Variants in KCNQ3 observed in about 807,000 individuals in gnomAD.
KCNQ3 encodes the protein potassium voltage-gated channel subfamily KQT member 3.
A neutral mutation model predicts 92.5 loss-of-function variants in KCNQ3; 30 were observed. The observed-to-expected ratio is 0.32, with a 90% CI of 0.24 to 0.44. KCNQ3 has a LOEUF of 0.44. Among genes scored for constraint, KCNQ3 ranks in the 20% least tolerant of loss-of-function variants. The pLI is 1.00. For missense variants in KCNQ3, 913 were observed against 1,140.3 expected (o/e 0.80, Z 2.87); for synonymous variants, 450 against 468.8 (o/e 0.96, Z 0.52).
chr8:132,152,428 C>T (rs1179034121), intron 9 of KCNQ3, among the ~76,000 whole-genome samples: 1 of 152,182 alleles, frequency 6.6e-6, no homozygotes, highest in Non-Finnish European at 1.5e-5. Context: ...TGTCTGCCTG[C>T]TTGTCCTAGA....
chr8:132,285,453 G>A (rs141041418), intron 1 of KCNQ3, among the ~76,000 whole-genome samples: 2 of 152,226 alleles, frequency 1.3e-5, no homozygotes, highest in Non-Finnish European at 2.9e-5. Flanking sequence ...CTAGGGCTTT[G>A]TAGAAGGCCA....
Position 132,125,981 on chromosome 8 carries a change from G to C in KCNQ3, c.*3281C>G, listed in dbSNP as rs1824651465. 1 of 152,058 alleles carries C rather than the reference G, an allele frequency of 6.6e-6. No individual in the cohort carries two copies. The highest frequency in any genetic ancestry group is 1.5e-5 in the Non-Finnish European group (1 of 68,028). 9.4% of individuals were successfully genotyped at this position (152,058 alleles called of 1,614,324 possible). On this transcript the variant is annotated 3_prime_UTR_variant, in exon 15 of 15. Coordinates refer to ENST00000388996, the MANE Select transcript of KCNQ3 (RefSeq NM_004519.4). ...AACGATCTCAAGTACTTCTTTCTCA[G>C]CTCAATAGGATCATGTTTCGCTTAA... is the stretch of plus-strand genomic sequence containing the variant.
chr8:132,290,381 T>A (rs1279356250), intron 1 of KCNQ3, among the ~76,000 whole-genome samples: 1 of 152,190 alleles, frequency 6.6e-6, no homozygotes, highest in Non-Finnish European at 1.5e-5. Flanking sequence ...TTGTGCTTCA[T>A]CTCAAGAACA....
At chr8:132,447,678 G>T (rs765540933) in intron 1 of KCNQ3, among the ~76,000 whole-genome samples, 2 of 152,216 alleles carry the variant, frequency 1.3e-5, no homozygotes, top group Non-Finnish European at 2.9e-5. Context: ...ACGAGCGCAT[G>T]ATTTAGAGAT....
In KCNQ3 at chr8:132,339,658, G is replaced by A. The variant is rs138870199; in HGVS notation, c.386+140489C>T. ...AAGGAGGCAGAGGTTGGAATGAGCCGAGATCTCACCTGGAGAGGGCTTATA... is the reference window on the plus strand; with the variant it reads ...AAGGAGGCAGAGGTTGGAATGAGCCAAGATCTCACCTGGAGAGGGCTTATA... On this transcript the variant is annotated intron_variant, in intron 1 of 14. Coordinates refer to ENST00000388996, the MANE Select transcript of KCNQ3 (RefSeq NM_004519.4). Among the ~76,000 whole-genome samples the A allele has an allele frequency of 4.1e-3, 616 of 151,178 alleles. 2 individuals are homozygous for A. The highest frequency in any genetic ancestry group is 0.014 in the African/African-American group (571 of 41,170).
rs1272099561 is a variant in KCNQ3 at position 132,127,072 on chromosome 8, TAATC to T, written c.*2186_*2189del. 1 of 152,196 alleles carries T rather than the reference TAATC, an allele frequency of 6.6e-6. No homozygotes were observed. The highest frequency in any genetic ancestry group is 1.5e-5 in the Non-Finnish European group (1 of 68,048). The allele number at this position is 152,196 out of a possible 1,614,324, so 9.4% of individuals were successfully genotyped here. On this transcript the variant is annotated 3_prime_UTR_variant, in exon 15 of 15. Transcript: ENST00000388996. ...AGATTCCAGGAAGATCAGGATTCAATAATCAAGCCCTCAGGAAGGGGCATAGGGT... is the reference window on the plus strand; with the variant it reads ...AGATTCCAGGAAGATCAGGATTCAATAAGCCCTCAGGAAGGGGCATAGGGT...
chr8:132,187,894 GTGGTGGTGATGGTGGTGGTGGTGT>G (rs1563795937), intron 1 of KCNQ3, among the ~76,000 whole-genome samples: 2,035 of 96,260 alleles, frequency 0.021, 18 homozygotes, highest in Non-Finnish European at 0.028. Context: ...GGCGGTGGTG[GTGGTGGTGATGGTGGTGGTGGTGT>G]TGGTGGTGAT....
chr8:132,417,939 G>A (rs1820863810), intron 1 of KCNQ3, among the ~76,000 whole-genome samples: 1 of 152,166 alleles, frequency 6.6e-6, no homozygotes, highest in Non-Finnish European at 1.5e-5. Flanking sequence ...GCAGCAGAGT[G>A]AGGATGGCTT....
chr8:132,270,470 C>A (rs752372008), intron 1 of KCNQ3, among the ~76,000 whole-genome samples: 58 of 152,316 alleles, frequency 3.8e-4, no homozygotes, highest in Non-Finnish European at 6.8e-4. Flanking sequence ...CTCCTTTTAT[C>A]TCTTACTCTG....
At chr8:132,327,677 C>A (rs1026559549) in intron 1 of KCNQ3, among the ~76,000 whole-genome samples, 4 of 152,308 alleles carry the variant, frequency 2.6e-5, no homozygotes, top group Admixed American at 1.3e-4. Flanking sequence ...ACCCCAAGTA[C>A]CTGCTGGGCT....
intron 1 of KCNQ3, among the ~76,000 whole-genome samples, chr8:132,474,295 G>C (rs1028657646): frequency 6.6e-6 from 1 of 152,138 alleles, no homozygotes; most frequent in Non-Finnish European, 1.5e-5. Context: ...AAACCACCCT[G>C]TGATAGGGTA....
At chr8:132,217,987 G>A (rs1173869650) in intron 1 of KCNQ3, among the ~76,000 whole-genome samples, 2 of 152,210 alleles carry the variant, frequency 1.3e-5, no homozygotes, top group African/African-American at 4.8e-5. Context: ...TCTTGTTTAT[G>A]TTATTAATTT....
intron 1 of KCNQ3, among the ~76,000 whole-genome samples, chr8:132,224,801 C>T (rs1384837385): frequency 6.6e-6 from 1 of 152,130 alleles, no homozygotes; most frequent in Non-Finnish European, 1.5e-5. Context: ...TTCCATTCTG[C>T]TCATTGGAAT....
chr8:132,154,702 C>T (rs910974239), intron 9 of KCNQ3, among the ~76,000 whole-genome samples: 1 of 152,100 alleles, frequency 6.6e-6, no homozygotes, highest in East Asian at 1.9e-4. Context: ...TAGGTGGTGA[C>T]CTGGGATTCC....
At chr8:132,458,916 T>C (rs910232194) in intron 1 of KCNQ3, among the ~76,000 whole-genome samples, 1 of 152,250 alleles carries the variant, frequency 6.6e-6, no homozygotes, top group Non-Finnish European at 1.5e-5. Flanking sequence ...AAGTCCATAC[T>C]TTATTCAGAT....
At chr8:132,345,923 G>GTGATGATGATGATGA (rs150778628) in intron 1 of KCNQ3, among the ~76,000 whole-genome samples, 1 of 151,494 alleles carries the variant, frequency 6.6e-6, no homozygotes, top group African/African-American at 2.4e-5. Flanking sequence ...TGGTAATAAC[G>GTGATGATGATGATGA]TGATGATGAT....
rs759310149 is a variant in KCNQ3, at chr8:132,480,319, C to T, written c.214G>A (p.Gly72Ser). 1.4e-5 allele frequency: 23 copies of T among 1,601,004 alleles called. No homozygotes were observed. The highest frequency in any genetic ancestry group is 2.7e-5 in the African/African-American group (2 of 74,558). The change falls in exon 1 of 15, where the codon GGC becomes AGC. Residue 72 changes from glycine to serine, a missense_variant. Transcript: ENST00000388996. ...CTCCGCTGCCCCTCGTCGCGGCCGC[C>T]GCCCTCCAGCAGCAGGGTCCCGTCT... ...DKDGTLLLEGGGRDEGQRRTP... is the reference protein window; with the variant it reads ...DKDGTLLLEGSGRDEGQRRTP...
chr8:132,271,981 G>A (rs995626252), intron 1 of KCNQ3, among the ~76,000 whole-genome samples: 2 of 152,136 alleles, frequency 1.3e-5, no homozygotes, highest in African/African-American at 4.8e-5. Flanking sequence ...ACCTGACAGA[G>A]GGCTCAGTTC....
At chr8:132,402,789 G>A (rs1467093549) in intron 1 of KCNQ3, among the ~76,000 whole-genome samples, 1 of 151,972 alleles carries the variant, frequency 6.6e-6, no homozygotes, top group African/African-American at 2.4e-5. Flanking sequence ...AGGCCGAGGT[G>A]GGCAGATCAC....
Sources: gnomAD v4.1 joint callset for allele counts (sites outside exome capture counted in the v4.1 genomes callset) on GRCh38, gnomAD v4.1.1 for gene constraint, MANE v1.5 for transcripts, NCBI Gene and HGNC (gene_info 2026-07-23, HGNC 2026-07-21) for gene names.